NBAS: variants seen among roughly 807,000 people sequenced by gnomAD.
NBAS encodes NBAS subunit of NRZ tethering complex, also known as NAG/BC035112 fusion.
Under a neutral mutation model 302.5 loss-of-function variants are expected in NBAS, and 219 were observed. That is an observed-to-expected ratio of 0.72 (90% confidence interval 0.65 to 0.81). NBAS has a LOEUF of 0.81. Ranked by LOEUF, NBAS falls within the 30% of genes least tolerant of loss-of-function variation. The pLI, the probability that NBAS is intolerant of heterozygous loss-of-function variation, is 0.00. For synonymous variants in NBAS, 1,118 were observed against 1,021.6 expected (o/e 1.09, Z -1.80); for missense variants, 2,932 against 2,841.6 (o/e 1.03, Z -0.72).
intron 25 of NBAS, among the ~76,000 whole-genome samples, chr2:15,405,400 T>A (rs182548791): frequency 9.8e-5 from 15 of 152,352 alleles, no homozygotes; most frequent in African/African-American, 3.4e-4. Flanking sequence ...CCTGTTAGAA[T>A]CCCTATAAGA....
chr2:15,038,665 G>C, the NBAS span, among the ~76,000 whole-genome samples: 1 of 151,810 alleles, frequency 6.6e-6, no homozygotes, highest in Non-Finnish European at 1.5e-5. Flanking sequence ...AGAGTGAACA[G>C]TAGGAGGACT....
chr2:14,964,322 G>T, the NBAS span, among the ~76,000 whole-genome samples: 1,627 of 152,198 alleles, frequency 0.011, 27 homozygotes, highest in African/African-American at 0.038. Flanking sequence ...ATATTAGTAA[G>T]ATTCAAATCA....
At chr2:15,106,260 G>C in the NBAS span, among the ~76,000 whole-genome samples, 4 of 152,260 alleles carry the variant, frequency 2.6e-5, no homozygotes, top group South Asian at 8.3e-4. Context: ...ACCTTGGGGT[G>C]AGGAAGATTC....
chr2:15,018,585 G>GA, the NBAS span, among the ~76,000 whole-genome samples: 46 of 151,994 alleles, frequency 3.0e-4, no homozygotes, highest in Non-Finnish European at 5.7e-4. Flanking sequence ...CTGAGAATCA[G>GA]AAAAAAACTC....
the NBAS span, among the ~76,000 whole-genome samples, chr2:14,861,655 T>C: frequency 6.6e-6 from 1 of 152,270 alleles, no homozygotes; most frequent in Non-Finnish European, 1.5e-5. Context: ...AGTGTTCTAT[T>C]ATGTGGCAAC....
chr2:14,943,517 T>C, the NBAS span, among the ~76,000 whole-genome samples: 1 of 152,196 alleles, frequency 6.6e-6, no homozygotes, highest in Non-Finnish European at 1.5e-5. Flanking sequence ...AATATAATAT[T>C]TGGAAGAAAA....
chr2:15,272,625 G>C (rs1031515975), intron 44 of NBAS, among the ~76,000 whole-genome samples: 2 of 152,184 alleles, frequency 1.3e-5, no homozygotes, highest in African/African-American at 4.8e-5. Context: ...AATTTTAAAT[G>C]TATCTGTCTC....
In NBAS at chr2:15,504,068, A is replaced by T. The variant is rs552850735; in HGVS notation, c.954+77T>A. The T allele has an allele frequency of 1.2e-4, 142 of 1,224,552 alleles. 1 individual carries two copies. The South Asian group carries it at 1.7e-3, about 14-fold the overall frequency. The allele number at this position is 1,224,552 out of a possible 1,614,324, so 75.9% of individuals were successfully genotyped here. A position where few individuals can be genotyped will look rare whatever the true frequency, so the allele number is the denominator to read the frequency against. On this transcript the variant is annotated intron_variant, in intron 11 of 51. Coordinates refer to ENST00000281513, the MANE Select transcript of NBAS (RefSeq NM_015909.4). ...TGAAGATACAAAAAATTCGAGGTTC[A>T]TTCAGCTTTGACCTTAAAGGTACTT...
In NBAS at chr2:15,306,251, TA is replaced by T. The variant is rs915344513; in HGVS notation, c.4797+1964del. On this transcript the variant is annotated intron_variant, in intron 40 of 51. Transcript: ENST00000281513. ...ATTACTAGAGTATAATAAAGTTATA[TA>T]AAATAAGTATCTGTATAAAGCAGCA... Among the ~76,000 whole-genome samples the T allele has an allele frequency of 1.3e-4, 20 of 152,320 alleles. 1 individual carries two copies. The South Asian group carries it at 1.9e-3, about 14-fold the overall frequency.
chr2:15,506,661 T>C (rs10190876), intron 10 of NBAS, among the ~76,000 whole-genome samples: 89,642 of 151,850 alleles, frequency 0.59, 27,064 homozygotes, highest in Middle Eastern at 0.63. Context: ...ACCACAAGAA[T>C]GACTGGGAAA....
At chr2:15,381,867 T>C (rs1675050547) in intron 29 of NBAS, among the ~76,000 whole-genome samples, 3 of 152,226 alleles carry the variant, frequency 2.0e-5, no homozygotes, top group Admixed American at 2.0e-4. Context: ...TAGCACACTT[T>C]TGTTAAAATC....
the NBAS span, among the ~76,000 whole-genome samples, chr2:14,870,138 G>C: frequency 6.6e-6 from 1 of 152,158 alleles, no homozygotes; most frequent in South Asian, 2.1e-4. Flanking sequence ...AATTCCTTCA[G>C]TTTACTGCCT....
At chr2:15,207,905 T>A (rs1666221146) in intron 48 of NBAS, among the ~76,000 whole-genome samples, 1 of 151,692 alleles carries the variant, frequency 6.6e-6, no homozygotes, top group South Asian at 2.1e-4. Context: ...AACACAAAAT[T>A]GATTTCAAGA....
the NBAS span, among the ~76,000 whole-genome samples, chr2:14,847,382 T>TAAAAAAAAAAAAAAAAAAAAAAAA: frequency 5.6e-5 from 3 of 53,166 alleles, no homozygotes; most frequent in East Asian, 7.3e-4. Context: ...GACTCTATCT[T>TAAAAAAAAAAAAAAAAAAAAAAAA]AAAAAAAAAA....
chr2:15,388,498 A>T (rs1451592350), intron 28 of NBAS, among the ~76,000 whole-genome samples: 1 of 152,200 alleles, frequency 6.6e-6, no homozygotes, highest in Non-Finnish European at 1.5e-5. Context: ...TATTTGTGAC[A>T]TAGAGGAGTG....
At chr2:15,263,385 C>T (rs1366997262) in intron 44 of NBAS, among the ~76,000 whole-genome samples, 2 of 152,260 alleles carry the variant, frequency 1.3e-5, no homozygotes, top group Non-Finnish European at 2.9e-5. Flanking sequence ...TGAGCCACTG[C>T]ACCCAGGCTA....
At chr2:15,072,267 A>G in the NBAS span, among the ~76,000 whole-genome samples, 1 of 152,230 alleles carries the variant, frequency 6.6e-6, no homozygotes, top group Admixed American at 6.5e-5. Context: ...TGACTTTAAT[A>G]AGATTAAGCT....
the NBAS span, among the ~76,000 whole-genome samples, chr2:15,087,520 A>C: frequency 6.6e-6 from 1 of 152,248 alleles, no homozygotes; most frequent in Non-Finnish European, 1.5e-5. Flanking sequence ...TAAAGTGGCC[A>C]GCCTAGCCCT....
chr2:15,189,947 C>A (rs1286927438), intron 49 of NBAS, among the ~76,000 whole-genome samples: 1 of 152,154 alleles, frequency 6.6e-6, no homozygotes, highest in Non-Finnish European at 1.5e-5. Context: ...CAAGTTGGCA[C>A]TGTAAGCCGT....
Sources: gnomAD v4.1 joint callset for allele counts (sites outside exome capture counted in the v4.1 genomes callset) on GRCh38, gnomAD v4.1.1 for gene constraint, MANE v1.5 for transcripts, NCBI Gene and HGNC (gene_info 2026-07-23, HGNC 2026-07-21) for gene names.